Variants in CELF2 observed in about 807,000 individuals in gnomAD.
CELF2 encodes the protein CUG triplet repeat RNA-binding protein 2.
CELF2 carries 8 observed loss-of-function variants against 62.6 expected under a neutral mutation model. The ratio of observed to expected loss-of-function variants is 0.13; its 90% CI spans 0.07 to 0.23. The LOEUF (loss-of-function observed/expected upper bound fraction) is 0.23, where lower values mean the gene tolerates loss of function less well. Among genes scored for constraint, CELF2 ranks in the 10% least tolerant of loss-of-function variants. The pLI, the probability that CELF2 is intolerant of heterozygous loss-of-function variation, is 1.00. For missense variants in CELF2, 333 were observed against 671.0 expected (o/e 0.50, Z 5.56); for synonymous variants, 258 against 250.0 (o/e 1.03, Z -0.30).
At chr10:10,840,404 G>A (rs966768931) in intron 1 of CELF2, among the ~76,000 whole-genome samples, 1 of 152,190 alleles carries the variant, frequency 6.6e-6, no homozygotes, top group African/African-American at 2.4e-5. Context: ...AGTCGTTCTA[G>A]TAGGTATTTA....
the CELF2 span, among the ~76,000 whole-genome samples, chr10:10,498,930 T>C: frequency 3.3e-5 from 5 of 152,138 alleles, no homozygotes; most frequent in Non-Finnish European, 5.9e-5. Flanking sequence ...CTTGGGCATT[T>C]TTCCAGCTCT....
chr10:11,158,143 A>G (rs1345121278), intron 1 of CELF2, among the ~76,000 whole-genome samples: 3 of 152,186 alleles, frequency 2.0e-5, no homozygotes, highest in African/African-American at 7.2e-5. Context: ...TCTCCTGTCA[A>G]TCATCCAAAG....
At chr10:11,119,879 C>G (rs1340531594) in intron 1 of CELF2, among the ~76,000 whole-genome samples, 2 of 150,164 alleles carry the variant, frequency 1.3e-5, no homozygotes, top group African/African-American at 2.5e-5. Context: ...CCCCCCGGCC[C>G]CCGCTTTTTT....
the CELF2 span, among the ~76,000 whole-genome samples, chr10:10,666,783 A>AC: frequency 5.4e-5 from 5 of 93,448 alleles, no homozygotes; most frequent in Non-Finnish European, 8.3e-5. Flanking sequence ...AATGGCGTGA[A>AC]CCCGGGAGGC....
At chr10:10,675,899 T>C in the CELF2 span, among the ~76,000 whole-genome samples, 1 of 152,236 alleles carries the variant, frequency 6.6e-6, no homozygotes, top group Non-Finnish European at 1.5e-5. Context: ...CTTAGCATAT[T>C]AATCACAGTT....
At chr10:10,673,824 T>C in the CELF2 span, among the ~76,000 whole-genome samples, 1 of 152,202 alleles carries the variant, frequency 6.6e-6, no homozygotes, top group East Asian at 1.9e-4. Flanking sequence ...CCACATAGCT[T>C]CTGATTTTCC....
intron 1 of CELF2, among the ~76,000 whole-genome samples, chr10:11,042,662 A>G (rs1373703445): frequency 6.6e-6 from 1 of 152,170 alleles, no homozygotes; most frequent in East Asian, 1.9e-4. Flanking sequence ...CCAAAAAAGA[A>G]ACCCCGTACC....
At chr10:11,072,369 T>G (rs1449961899) in intron 1 of CELF2, among the ~76,000 whole-genome samples, 1 of 152,194 alleles carries the variant, frequency 6.6e-6, no homozygotes, top group Non-Finnish European at 1.5e-5. Context: ...ACTCAAGTCT[T>G]TGATGTTTAA....
rs950754000 is a variant in CELF2, at chr10:11,247,935, C to A, written c.355-1218C>A. ...CTCCCTCCTCCTCTGTTCTGAAGAC[C>A]CAGGCCGGCATTAGGTGCACGTGAT... On this transcript the variant is annotated intron_variant, in intron 3 of 12. Transcript: ENST00000633077. This position sits in a 1 kb window ranked among gnomAD's most constrained non-coding sequence, Gnocchi z 5.4. Among the ~76,000 whole-genome samples the A allele has an allele frequency of 3.9e-5, 6 of 152,008 alleles. No homozygotes were observed. Among genetic ancestry groups the A allele is most frequent in the African/African-American group, 1.5e-4 (6 of 41,362 alleles).
Position 11,329,117 on chromosome 10 carries a change from C to T in CELF2, c.*64C>T. 6.6e-7 allele frequency: 1 copy of T among 1,518,518 alleles called. No individual in the cohort carries two copies. The highest frequency in any genetic ancestry group is 8.9e-7 in the Non-Finnish European group (1 of 1,120,968). The allele number at this position is 1,518,518 out of a possible 1,614,324, so 94.1% of individuals were successfully genotyped here. On this transcript the variant is annotated 3_prime_UTR_variant, in exon 13 of 13. Transcript: ENST00000633077. The surrounding 1 kb of genome is among the most constrained non-coding windows in gnomAD (Gnocchi z 5.5). ...CTTAGGGTAAGTCCCACGAGCCAGCCTGTCTCAACAGGGAAGGCAGAGGAG... is the reference window on the plus strand; with the variant it reads ...CTTAGGGTAAGTCCCACGAGCCAGCTTGTCTCAACAGGGAAGGCAGAGGAG...
intron 1 of CELF2, among the ~76,000 whole-genome samples, chr10:11,049,943 G>C (rs2063608107): frequency 6.6e-6 from 1 of 152,198 alleles, no homozygotes; most frequent in African/African-American, 2.4e-5. Flanking sequence ...ATGCTCAGGG[G>C]CACCATAAAC....
At chr10:10,537,602 C>T in the CELF2 span, among the ~76,000 whole-genome samples, 1 of 152,252 alleles carries the variant, frequency 6.6e-6, no homozygotes, top group African/African-American at 2.4e-5. Context: ...AATACTAGGA[C>T]TCCTTGGGGT....
chr10:10,919,910 T>TA, intron 1 of CELF2: 1 of 1,138,242 alleles, frequency 8.8e-7, no homozygotes, highest in Non-Finnish European at 1.1e-6. Flanking sequence ...TACATTTTCA[T>TA]AATTCACCAA....
At chr10:10,550,014 G>A in the CELF2 span, among the ~76,000 whole-genome samples, 7 of 152,130 alleles carry the variant, frequency 4.6e-5, no homozygotes, top group Non-Finnish European at 8.8e-5. Flanking sequence ...AACAGTGCGG[G>A]AGTTAAGGTC....
chr10:10,656,728 G>A, the CELF2 span, among the ~76,000 whole-genome samples: 1 of 88,324 alleles, frequency 1.1e-5, no homozygotes, highest in African/African-American at 4.3e-5. Flanking sequence ...TGGTGGGGTC[G>A]GGGGAGGGGG....
rs570640897 is a variant in CELF2 at position 11,033,820 on chromosome 10, C to T, written c.74+15657C>T. The stretch of plus-strand genomic sequence containing the variant: ...CAGTTGTACAGTCTGTACAGCAGAT[C>T]GAATAGTTAAGTTGGACAACTGAGG... On this transcript the variant is annotated intron_variant, in intron 1 of 12. Transcript: ENST00000633077. Among the ~76,000 whole-genome samples the T allele has an allele frequency of 1.9e-3, 288 of 152,246 alleles. 2 individuals are homozygous for T. The highest frequency in any genetic ancestry group is 6.3e-3 in the African/African-American group (263 of 41,544).
At chr10:11,079,135 A>T (rs1308644798) in intron 1 of CELF2, among the ~76,000 whole-genome samples, 1 of 152,106 alleles carries the variant, frequency 6.6e-6, no homozygotes, top group African/African-American at 2.4e-5. Flanking sequence ...CCTTACATTT[A>T]TTGCCCTGGA....
intron 1 of CELF2, among the ~76,000 whole-genome samples, chr10:10,839,018 C>T (rs11256855): frequency 0.081 from 12,357 of 152,156 alleles, 630 homozygotes; most frequent in East Asian, 0.21. Context: ...TGGTGGCACA[C>T]ACCTGTAGTC....
At chr10:10,772,164 A>G in the CELF2 span, among the ~76,000 whole-genome samples, 1 of 150,916 alleles carries the variant, frequency 6.6e-6, no homozygotes, top group Non-Finnish European at 1.5e-5. Flanking sequence ...ATATTCAAGA[A>G]AAAAAAAACT....
Sources: gnomAD v4.1 joint callset for allele counts (sites outside exome capture counted in the v4.1 genomes callset) on GRCh38, gnomAD v4.1.1 for gene constraint, Gnocchi (gnomAD v3.1) non-coding constraint, MANE v1.5 for transcripts, NCBI Gene and HGNC (gene_info 2026-07-23, HGNC 2026-07-21) for gene names.